COLGALT1: variants seen among roughly 807,000 people sequenced by gnomAD.
COLGALT1 encodes procollagen galactosyltransferase 1.
A neutral mutation model predicts 60.8 loss-of-function variants in COLGALT1; 43 were observed. That is an observed-to-expected ratio of 0.71 (90% CI 0.55 to 0.91). The LOEUF is 0.91. Ranked by LOEUF, COLGALT1 falls within the 40% of genes least tolerant of loss-of-function variation. The pLI is 0.00. For missense variants in COLGALT1, 845 were observed against 880.0 expected, an observed-to-expected ratio of 0.96 and a Z score of 0.50; for synonymous variants, 369 against 374.2, an observed-to-expected ratio of 0.99 and a Z score of 0.16.
chr19:17,555,967 C>A lies in COLGALT1; in HGVS notation c.254C>A (p.Ala85Glu). Residue 85 changes from alanine (A) to glutamate (E), a missense_variant, in exon 1 of 12, where the codon GCG (alanine) becomes GAG (glutamate). Ala to Glu is a moderately radical substitution (Grantham distance 107). Transcript: ENST00000252599. Reference sequence around the variant, plus strand: ...CTGCGGCACCCGCGGGAGCGCACGGCGCTATGGTGAGTCGAGCCCGCTGTC... The same window carrying A: ...CTGCGGCACCCGCGGGAGCGCACGGAGCTATGGTGAGTCGAGCCCGCTGTC... ...ERLRHPRERTALWVATDHNMD... is the reference protein window; with the variant it reads ...ERLRHPRERTELWVATDHNMD... The A allele has an allele frequency of 7.3e-7, 1 of 1,361,564 alleles. No individual in the cohort carries two copies. Among genetic ancestry groups the A allele is most frequent in the Middle Eastern group, 2.7e-4 (1 of 3,712 alleles). 84.3% of individuals were successfully genotyped at this position (1,361,564 alleles called of 1,614,324 possible). A position where few individuals can be genotyped will look rare whatever the true frequency, so the allele number is the denominator to read the frequency against.
rs188400418 is a variant in COLGALT1 at position 17,563,956 on chromosome 19, G to A, written c.490-3450G>A. On this transcript the variant is annotated intron_variant, in intron 3 of 11. Transcript: ENST00000252599. ...GTAAAAAAAATAAATAAAAATATAC[G>A]AGCTGGGTGTGTCTCACGCCTGTAA... Among the ~76,000 whole-genome samples, 6 of 151,886 alleles carry A rather than the reference G, an allele frequency of 4.0e-5. No individual in the cohort carries two copies. The East Asian group carries it at 7.7e-4, about 20-fold the overall frequency.
chr19:17,556,352 C>T lies in COLGALT1; in HGVS notation c.260+379C>T, dbSNP rs1174415118. ...CTAACTCCCTCTGGGGCACGTACACCTCCAAAGGACGGAGCCCAGAGCCCC... is the reference window on the plus strand; with the variant it reads ...CTAACTCCCTCTGGGGCACGTACACTTCCAAAGGACGGAGCCCAGAGCCCC... On this transcript the variant is annotated intron_variant, in intron 1 of 11. Transcript: ENST00000252599. Among the ~76,000 whole-genome samples, 3 of 152,234 alleles carry T rather than the reference C, an allele frequency of 2.0e-5. No homozygotes were observed. The East Asian group carries it at 5.8e-4, about 29-fold the overall frequency.
chr19:17,560,528 G>A (rs866869270), intron 3 of COLGALT1, 63 bp downstream of exon 3: 6 of 1,325,424 alleles, frequency 4.5e-6, no homozygotes, highest in Middle Eastern at 1.8e-4. Flanking sequence ...AGGGAAGGCG[G>A]AGCAGCAGGA....
intron 6 of COLGALT1, among the ~76,000 whole-genome samples, chr19:17,575,906 A>T (rs867905113): frequency 1.4e-4 from 22 of 152,280 alleles, no homozygotes; most frequent in African/African-American, 4.6e-4. Flanking sequence ...GTGTCCAAAT[A>T]GGATCATATC....
intron 9 of COLGALT1, among the ~76,000 whole-genome samples, chr19:17,578,736 C>CGT (rs1337054380): frequency 1.3e-5 from 2 of 152,154 alleles, no homozygotes; most frequent in African/African-American, 4.8e-5. Context: ...AATGGCTGGG[C>CGT]GTGGTGGCTC....
At chr19:17,567,365 AC>A (rs746231498) in intron 3 of COLGALT1, 40 bp from the exon 4 acceptor site, 1 of 1,610,074 alleles carries the variant, frequency 6.2e-7, no homozygotes, top group Admixed American at 1.7e-5. Flanking sequence ...TGGTAGCCTG[AC>A]CTGGCAGCCC....
Position 17,580,910 on chromosome 19 carries a change from G to C in COLGALT1, c.1601+5G>C. The C allele has an allele frequency of 6.2e-7, 1 of 1,613,406 alleles. No individual in the cohort carries two copies. Among genetic ancestry groups the C allele is most frequent in the Non-Finnish European group, 8.5e-7 (1 of 1,179,996 alleles). On this transcript the variant is annotated splice_donor_5th_base_variant and intron_variant, in intron 11 of 11. Transcript: ENST00000252599. ...CATGTTCGACAAACACCCAGTGTGA[G>C]AGGGGCAGGCGGCTGCTGGGCTGGG...
chr19:17,581,494 G>A lies in COLGALT1; in HGVS notation c.*50G>A, dbSNP rs369535150. The A allele has an allele frequency of 1.8e-5, 28 of 1,569,498 alleles. No homozygotes were observed. The African/African-American group carries it at 3.1e-4, about 17-fold the overall frequency. On this transcript the variant is annotated 3_prime_UTR_variant, in exon 12 of 12. Transcript: ENST00000252599. The stretch of plus-strand genomic sequence containing the variant: ...CAGCCATCGGTGGCCCAGGCTCCAC[G>A]TGCTTACTGAGGACATCAGGTCCAC...
At chr19:17,559,082 C>T (rs2076232575) in intron 1 of COLGALT1, among the ~76,000 whole-genome samples, 1 of 152,080 alleles carries the variant, frequency 6.6e-6, no homozygotes, top group African/African-American at 2.4e-5. Context: ...AAGGCGTGAA[C>T]CCGGGAGGCG....
rs2076293785 is a variant in COLGALT1 at position 17,568,607 on chromosome 19, C to T, written c.723C>T (p.Asp241=). The stretch of plus-strand genomic sequence containing the variant: ...TGGTGCACTCGACCTTCCTGATCGA[C>T]CTGCGGAAGGCGGCGTCCAGGAACC... ...VPMVHSTFLI[D]LRKAASRNLA... The change falls in exon 5 of 12, where the codon GAC becomes GAT. Residue 241 remains aspartate (D), a synonymous_variant. Transcript: ENST00000252599. The T allele has an allele frequency of 6.2e-7, 1 of 1,614,216 alleles. No homozygotes were observed. The highest frequency in any genetic ancestry group is 2.2e-5 in the East Asian group (1 of 44,882).
intron 3 of COLGALT1, among the ~76,000 whole-genome samples, chr19:17,562,586 C>T (rs528195252): frequency 4.0e-5 from 6 of 151,644 alleles, no homozygotes; most frequent in South Asian, 4.2e-4. Flanking sequence ...GTCTTGAACC[C>T]GGGAGGCAGA....
chr19:17,559,899 C>T lies in COLGALT1; in HGVS notation c.372-449C>T, dbSNP rs138579025. ...AACTCCTGGGCTCAAGCCATCCTCC[C>T]GCCTCAGCCTCCTGAGTAGCTGGGA... On this transcript the variant is annotated intron_variant, in intron 2 of 11. Transcript: ENST00000252599. Among the ~76,000 whole-genome samples, 566 of 152,256 alleles carry T rather than the reference C, an allele frequency of 3.7e-3. 3 individuals carry two copies. Among genetic ancestry groups the T allele is most frequent in the Non-Finnish European group, 6.6e-3 (448 of 68,010 alleles).
chr19:17,581,226 G>A lies in COLGALT1; in HGVS notation c.1651G>A (p.Val551Met). 3 of 1,609,808 alleles carry A rather than the reference G, an allele frequency of 1.9e-6. No individual in the cohort carries two copies. Among genetic ancestry groups the A allele is most frequent in the Non-Finnish European group, 1.7e-6 (2 of 1,179,700 alleles). The change falls in exon 12 of 12, where the codon GTG becomes ATG. Residue 551 changes from valine to methionine, a missense_variant. By Grantham distance (21) the Val-to-Met change is conservative. Coordinates refer to ENST00000252599, the MANE Select transcript of COLGALT1 (RefSeq NM_024656.4). ...FSLRNLHAFS[V>M]EPLLIYPTHY... ...CCTCCGCAACCTGCATGCCTTCTCT[G>A]TGGAGCCGCTGCTCATCTACCCCAC...
chr19:17,579,419 C>A, intron 9 of COLGALT1, 63 bp from the exon 10 acceptor site: 3 of 1,609,020 alleles, frequency 1.9e-6, no homozygotes, highest in Non-Finnish European at 2.6e-6. Flanking sequence ...AAGCAAAGCT[C>A]TGTGCTTTAG....
chr19:17,569,588 C>T (rs1176329796), intron 5 of COLGALT1, among the ~76,000 whole-genome samples: 1 of 151,978 alleles, frequency 6.6e-6, no homozygotes, highest in South Asian at 2.1e-4. Flanking sequence ...AGGCATACGC[C>T]ACCATGTCTG....
In COLGALT1 at chr19:17,576,399, A is replaced by G. The variant is rs1211371652; in HGVS notation, c.950-796A>G. On this transcript the variant is annotated intron_variant, in intron 6 of 11. Coordinates refer to ENST00000252599, the MANE Select transcript of COLGALT1 (RefSeq NM_024656.4). ...GAAAGGAAGGGTATTTCAAGCAGGG[A>G]TCCAGCATGTGCAAAGGCCCTGAGG... Among the ~76,000 whole-genome samples, 5 of 151,748 alleles carry G rather than the reference A, an allele frequency of 3.3e-5. No homozygotes were observed. The South Asian group carries it at 6.2e-4, about 19-fold the overall frequency.
intron 3 of COLGALT1, among the ~76,000 whole-genome samples, chr19:17,564,665 C>A (rs536203618): frequency 1.4e-3 from 214 of 152,104 alleles, no homozygotes; most frequent in Non-Finnish European, 2.6e-3. Flanking sequence ...TGATCACCTG[C>A]CTCAGCCTCC....
At chr19:17,574,959 C>T (rs943296616) in intron 6 of COLGALT1, among the ~76,000 whole-genome samples, 2 of 152,144 alleles carry the variant, frequency 1.3e-5, no homozygotes, top group Non-Finnish European at 2.9e-5. Flanking sequence ...TTGACTCAAG[C>T]GATCCTTCCA....
At chr19:17,580,325 C>T (rs939762097) in intron 10 of COLGALT1, 45 of 333,464 alleles carry the variant, frequency 1.3e-4, no homozygotes, top group Non-Finnish European at 2.1e-4. Context: ...TCTGGGAACA[C>T]TGCCCCATGT....
Sources: gnomAD v4.1 joint callset for allele counts (sites outside exome capture counted in the v4.1 genomes callset) on GRCh38, gnomAD v4.1.1 for gene constraint, MANE v1.5 for transcripts, NCBI Gene and HGNC (gene_info 2026-07-23, HGNC 2026-07-21) for gene names.